Variants in PIK3R3 observed in about 807,000 individuals in gnomAD.
The protein encoded by PIK3R3 is phosphatidylinositol 3-kinase regulatory subunit gamma.
A neutral mutation model predicts 62.9 loss-of-function variants in PIK3R3; 64 were observed. The observed-to-expected ratio is 1.02, with a 90% CI of 0.83 to 1.25. The LOEUF (loss-of-function observed/expected upper bound fraction) is 1.25, where lower values mean the gene tolerates loss of function less well. Among genes scored for constraint, PIK3R3 ranks in the 50% most tolerant of loss-of-function variants. PIK3R3 has a pLI of 0.00. For synonymous variants in PIK3R3, 165 were observed against 189.0 expected (o/e 0.87, Z 1.04); for missense variants, 614 against 561.6 (o/e 1.09, Z -0.94).
At chr1:46,115,817 GCTT>G (rs1654134921) in intron 1 of PIK3R3, among the ~76,000 whole-genome samples, 1 of 152,194 alleles carries the variant, frequency 6.6e-6, no homozygotes, top group African/African-American at 2.4e-5. Context: ...AGTATTCATA[GCTT>G]CTTTTCTTTG....
intron 3 of PIK3R3, among the ~76,000 whole-genome samples, chr1:46,076,501 T>C (rs184705948): frequency 6.4e-4 from 98 of 152,236 alleles, no homozygotes; most frequent in African/African-American, 2.1e-3. Context: ...AGAGGAAAAA[T>C]TGTGTTCAAT....
chr1:46,110,114 T>A (rs1653600677), intron 1 of PIK3R3, among the ~76,000 whole-genome samples: 1 of 151,448 alleles, frequency 6.6e-6, no homozygotes, highest in Non-Finnish European at 1.5e-5. Context: ...TCATCCACTT[T>A]TTTTTTTTTC....
intron 1 of PIK3R3, among the ~76,000 whole-genome samples, chr1:46,104,353 CTTCTT>C (rs1652989343): frequency 6.6e-6 from 1 of 152,130 alleles, no homozygotes; most frequent in African/African-American, 2.4e-5. Flanking sequence ...AGATTTTCAA[CTTCTT>C]TTCAAGTCAG....
chr1:46,165,358 T>C, the PIK3R3 span, among the ~76,000 whole-genome samples: 1 of 149,060 alleles, frequency 6.7e-6, no homozygotes, highest in Admixed American at 6.8e-5. Context: ...CAGGCTGGAA[T>C]GCAATGGTGT....
rs1202752327 is a variant in PIK3R3 at position 46,041,604 on chromosome 1, G to A, written c.*2069C>T. The A allele has an allele frequency of 2.2e-5, 4 of 181,340 alleles. No homozygotes were observed. The highest frequency in any genetic ancestry group is 3.5e-5 in the Non-Finnish European group (3 of 84,606). The allele number at this position is 181,340 out of a possible 1,614,324, so 11.2% of individuals were successfully genotyped here. Reference sequence around the variant, plus strand: ...ACCAGATGGGAGGGATTCCTTGCACGTAATCTTGAGCATCCACCTGCTTCA... The same window carrying A: ...ACCAGATGGGAGGGATTCCTTGCACATAATCTTGAGCATCCACCTGCTTCA... On this transcript the variant is annotated 3_prime_UTR_variant, in exon 10 of 10. Coordinates refer to ENST00000262741, the MANE Select transcript of PIK3R3 (RefSeq NM_003629.4).
chr1:46,096,273 A>G (rs1389258639), intron 1 of PIK3R3, among the ~76,000 whole-genome samples: 1 of 152,248 alleles, frequency 6.6e-6, no homozygotes, highest in African/African-American at 2.4e-5. Flanking sequence ...TTGGTGAGTA[A>G]AAACTACCAA....
chr1:46,068,431 C>G (rs1649199827), intron 3 of PIK3R3, among the ~76,000 whole-genome samples: 2 of 152,104 alleles, frequency 1.3e-5, no homozygotes. Flanking sequence ...CTCTGTCTTT[C>G]AGTTTATTAA....
chr1:46,085,145 TAAG>T, intron 1 of PIK3R3, among the ~76,000 whole-genome samples: 1 of 152,222 alleles, frequency 6.6e-6, no homozygotes, highest in East Asian at 1.9e-4. Flanking sequence ...TACAGAAATG[TAAG>T]AAGAATGAAA....
chr1:46,099,628 A>G (rs1053654188), intron 1 of PIK3R3, among the ~76,000 whole-genome samples: 1 of 152,140 alleles, frequency 6.6e-6, no homozygotes, highest in Admixed American at 6.5e-5. Flanking sequence ...TGAATATTCT[A>G]TAATTTCTTC....
In PIK3R3 at chr1:46,080,632, T is replaced by G. The variant is rs1258825575; in HGVS notation, c.215+10A>C. ...AAAACTGCATTCAATTACAGTAGCA[T>G]TCTAGTTACCTTGAAATATCCCCCC... is the stretch of plus-strand genomic sequence containing the variant. On this transcript the variant is annotated intron_variant, in intron 2 of 9. Transcript: ENST00000262741. 3.9e-6 allele frequency: 6 copies of G among 1,525,804 alleles called. No individual in the cohort carries two copies. The highest frequency in any genetic ancestry group is 5.4e-6 in the Non-Finnish European group (6 of 1,103,444). The allele number at this position is 1,525,804 out of a possible 1,614,324, so 94.5% of individuals were successfully genotyped here.
chr1:46,060,618 TAAGTA>T (rs1467932668), intron 6 of PIK3R3, among the ~76,000 whole-genome samples: 4 of 152,246 alleles, frequency 2.6e-5, no homozygotes, highest in Non-Finnish European at 5.9e-5. Flanking sequence ...TGAGAAAAGT[TAAGTA>T]ATTCACCCAA....
chr1:46,153,143 T>C, the PIK3R3 span, among the ~76,000 whole-genome samples: 1 of 152,204 alleles, frequency 6.6e-6, no homozygotes, highest in Admixed American at 6.5e-5. Context: ...ATGGAATGGA[T>C]ATAAAATTCA....
At chr1:46,122,212 AATTG>A (rs1654737532) in intron 1 of PIK3R3, among the ~76,000 whole-genome samples, 1 of 152,234 alleles carries the variant, frequency 6.6e-6, no homozygotes, top group Non-Finnish European at 1.5e-5. Context: ...GCAATGTGGA[AATTG>A]ATCTTTAATA....
At chr1:46,134,355 T>C (rs1029340764), upstream of PIK3R3, among the ~76,000 whole-genome samples, 2 of 152,172 alleles carry the variant, frequency 1.3e-5, no homozygotes, top group African/African-American at 4.8e-5. Flanking sequence ...AAAATGTATA[T>C]GGACTGGGTA....
intron 1 of PIK3R3, among the ~76,000 whole-genome samples, chr1:46,082,896 T>A (rs558921948): frequency 1.3e-5 from 2 of 152,016 alleles, no homozygotes. Flanking sequence ...CTGGCCAACA[T>A]GATTAAACCC....
chr1:46,066,776 G>A (rs1374213273), intron 4 of PIK3R3, 135 bp downstream of exon 4: 3 of 757,296 alleles, frequency 4.0e-6, no homozygotes, highest in Non-Finnish European at 6.7e-6. Context: ...GGGCAACAGA[G>A]ACCCTGTCTC....
rs10649671 is a variant in PIK3R3 at position 46,054,397 on chromosome 1, C to CAAAAAAAA, written c.941+1390_941+1397dup. Reference sequence around the variant, plus strand: ...GGTGACACAGTGAGACTCCGCCTCACAAAAAAAAAAAAAAAAAAAAAAAAT... The same window carrying CAAAAAAAA: ...GGTGACACAGTGAGACTCCGCCTCACAAAAAAAAAAAAAAAAAAAAAAAAAAAAAAAAT... On this transcript the variant is annotated intron_variant, in intron 7 of 9. Coordinates refer to ENST00000262741, the MANE Select transcript of PIK3R3 (RefSeq NM_003629.4). Among the ~76,000 whole-genome samples the CAAAAAAAA allele has an allele frequency of 3.7e-5, 3 of 80,036 alleles. 1 individual carries two copies. The highest frequency in any genetic ancestry group is 4.6e-5 in the Non-Finnish European group (2 of 43,798). The allele number at this position is 80,036 out of a possible 152,430, so 52.5% of individuals were successfully genotyped here. A position where few individuals can be genotyped will look rare whatever the true frequency, so the allele number is the denominator to read the frequency against.
intron 7 of PIK3R3, 92 bp downstream of exon 7, chr1:46,055,703 T>C: frequency 1.2e-6 from 1 of 852,844 alleles, no homozygotes; most frequent in East Asian, 2.6e-5. Context: ...CAATTACAAA[T>C]CTCTAATCTC....
the PIK3R3 span, among the ~76,000 whole-genome samples, chr1:46,165,751 CTTTTTTTTTTTTTTTTTTTTTTT>C: frequency 7.6e-5 from 3 of 39,540 alleles, no homozygotes; most frequent in South Asian, 1.1e-3. Context: ...CTGCTTTGTC[CTTTTTTTTTTTTTTTTTTTTTTT>C]TTTTTTTTTT....
Sources: gnomAD v4.1 joint callset for allele counts (sites outside exome capture counted in the v4.1 genomes callset) on GRCh38, gnomAD v4.1.1 for gene constraint, MANE v1.5 for transcripts, NCBI Gene and HGNC (gene_info 2026-07-23, HGNC 2026-07-21) for gene names.